CIITA: variants seen among roughly 807,000 people sequenced by gnomAD.
CIITA encodes the protein MHC class II transactivator.
A neutral mutation model predicts 115.1 loss-of-function variants in CIITA; 72 were observed. That is an observed-to-expected ratio of 0.63 (90% CI 0.52 to 0.76). CIITA has a LOEUF of 0.76. Among genes scored for constraint, CIITA ranks in the 30% least tolerant of loss-of-function variants. The pLI, the probability that CIITA is intolerant of heterozygous loss-of-function variation, is 0.00. For synonymous variants in CIITA, 763 were observed against 635.6 expected (o/e 1.20, Z -3.02); for missense variants, 1,617 against 1,463.8 (o/e 1.10, Z -1.71).
intron 1 of CIITA, among the ~76,000 whole-genome samples, chr16:10,869,284 C>A (rs2035308249): frequency 1.3e-5 from 2 of 152,362 alleles, no homozygotes; most frequent in South Asian, 2.1e-4. Context: ...TCTACTCCAG[C>A]CATGTTGGCA....
At chr16:10,908,874 A>C in intron 11 of CIITA, 155 bp from the exon 12 acceptor site, 2 of 1,005,206 alleles carry the variant, frequency 2.0e-6, no homozygotes, top group Non-Finnish European at 3.0e-6. Context: ...GAATCAATAA[A>C]GGCTGGAGTG....
intron 1 of CIITA, among the ~76,000 whole-genome samples, chr16:10,867,111 G>A (rs948076960): frequency 1.3e-5 from 2 of 152,204 alleles, no homozygotes; most frequent in African/African-American, 4.8e-5. Flanking sequence ...AGACATCCTG[G>A]TGGGTGCCTG....
intron 1 of CIITA, among the ~76,000 whole-genome samples, chr16:10,890,049 C>T (rs766815698): frequency 6.6e-5 from 10 of 152,176 alleles, no homozygotes; most frequent in Non-Finnish European, 1.5e-4. Flanking sequence ...CTGTGAGCTG[C>T]AAATCCTTGA....
In CIITA at chr16:10,907,085, C is replaced by A. The variant is rs758998471; in HGVS notation, c.1593C>A (p.Gly531=). 6.2e-6 allele frequency: 10 copies of A among 1,608,284 alleles called. No individual in the cohort carries two copies. The highest frequency in any genetic ancestry group is 8.5e-6 in the Non-Finnish European group (10 of 1,179,786). The change falls in exon 11 of 20, where the codon GGC becomes GGA. Residue 531 remains glycine (G), a synonymous_variant. Coordinates refer to ENST00000324288, the MANE Select transcript of CIITA (RefSeq NM_000246.4). This position sits in a 1 kb window ranked among gnomAD's most constrained non-coding sequence, Gnocchi z 5.0. ...EPCSLRGLLA[G]LFQKKLLRGC... ...GCTCCCTCCGGGGGCTGCTGGCCGG[C>A]CTTTTCCAGAAGAAGCTGCTCCGAG...
intron 1 of CIITA, among the ~76,000 whole-genome samples, chr16:10,869,944 C>A (rs1262121088): frequency 6.6e-6 from 1 of 152,042 alleles, no homozygotes; most frequent in African/African-American, 2.4e-5. Flanking sequence ...TAGCACAGGG[C>A]CTGAGCACAG....
At chr16:10,877,181 G>C, upstream of CIITA, 1 of 717,936 alleles carries the variant, frequency 1.4e-6, no homozygotes, top group Non-Finnish European at 2.5e-6. Flanking sequence ...AGCTTGGCGG[G>C]CTCCCAACTG....
At chr16:10,908,255 C>A in intron 11 of CIITA, 106 bp downstream of exon 11, 1 of 1,311,516 alleles carries the variant, frequency 7.6e-7, no homozygotes, top group Non-Finnish European at 1.1e-6. Context: ...TGCAGAGCAG[C>A]CGGGTGGGGC....
rs370533817 is a variant in CIITA at position 10,942,842 on chromosome 16, T to A, written n.1968T>A. The stretch of plus-strand genomic sequence containing the variant: ...GGGTCGGGGAGGGGCGACGGACGGT[T>A]GCCCTGGAAATTTTGGACATTCCCA... On this transcript the variant is annotated non_coding_transcript_exon_variant, in exon 2 of 2. Coordinates refer to the CIITA transcript ENST00000573379. This position sits in a 1 kb window ranked among gnomAD's most constrained non-coding sequence, Gnocchi z 5.0. The A allele has an allele frequency of 5.3e-5, 8 of 152,316 alleles. No homozygotes were observed. The South Asian group carries it at 1.4e-3, about 28-fold the overall frequency. 9.4% of individuals were successfully genotyped at this position (152,316 alleles called of 1,614,324 possible). A position where few individuals can be genotyped will look rare whatever the true frequency, so the allele number is the denominator to read the frequency against.
At chr16:10,875,611 C>T (rs1426543150), upstream of CIITA, among the ~76,000 whole-genome samples, 1 of 152,168 alleles carries the variant, frequency 6.6e-6, no homozygotes, top group South Asian at 2.1e-4. Flanking sequence ...TTCCACATAA[C>T]ACTTTACTAT....
chr16:10,924,259 A>C lies in CIITA; in HGVS notation c.*404A>C, dbSNP rs1034442068. 1 of 152,190 alleles carries C rather than the reference A, an allele frequency of 6.6e-6. No homozygotes were observed. Among genetic ancestry groups the C allele is most frequent in the East Asian group, 1.9e-4 (1 of 5,194 alleles). 9.4% of individuals were successfully genotyped at this position (152,190 alleles called of 1,614,324 possible). Reference sequence around the variant, plus strand: ...TACTTCTTTTTTTTTATTTTTAGACAGAGTCTCACTGTTGCCCAGGCTGGC... The same window carrying C: ...TACTTCTTTTTTTTTATTTTTAGACCGAGTCTCACTGTTGCCCAGGCTGGC... On this transcript the variant is annotated 3_prime_UTR_variant, in exon 20 of 20. Transcript: ENST00000324288.
intron 10 of CIITA, among the ~76,000 whole-genome samples, chr16:10,905,603 A>C (rs1304592817): frequency 6.6e-6 from 1 of 152,090 alleles, no homozygotes; most frequent in Non-Finnish European, 1.5e-5. Flanking sequence ...TCCATTAAAA[A>C]ATACAAAAAT....
At chr16:10,937,482 T>C (rs554191131), downstream of CIITA, 2 of 152,270 alleles carry the variant, frequency 1.3e-5, no homozygotes, top group Non-Finnish European at 2.9e-5. The surrounding 1 kb of genome is among the most constrained non-coding windows in gnomAD (Gnocchi z 4.2). Context: ...AGTTGGGAGA[T>C]AACTGAAGCC....
Position 10,895,410 on chromosome 16 carries a change from G to A in CIITA, c.181G>A (p.Glu61Lys), listed in dbSNP as rs767378495. ...CCAGATGGACCTGGCTGGAGAAGAA[G>A]AGATTGAGCTCTACTCAGGTGGGCC... The part of the protein sequence containing the change: ...YDQMDLAGEE[E>K]IELYSEPDTD... The change falls in exon 2 of 20, where the codon GAG becomes AAG. Residue 61 changes from glutamate (E) to lysine (K), a missense_variant. By Grantham distance (56) the Glu-to-Lys change is moderately conservative. Transcript: ENST00000324288. 1.2e-6 allele frequency: 2 copies of A among 1,613,908 alleles called. No individual in the cohort carries two copies. Among genetic ancestry groups the A allele is most frequent in the South Asian group, 2.2e-5 (2 of 91,070 alleles).
rs150365306 is a variant in CIITA, at chr16:10,931,565, T to C, written c.*7710T>C. On this transcript the variant is annotated 3_prime_UTR_variant, in exon 20 of 20. Transcript: ENST00000324288. The stretch of plus-strand genomic sequence containing the variant: ...ATTTCTGGTAGTAATATAGTTTTTC[T>C]TTTCCAAGTCGCTCACACCTGTAAT... The C allele has an allele frequency of 2.0e-5, 3 of 152,312 alleles. No individual in the cohort carries two copies. The highest frequency in any genetic ancestry group is 6.5e-5 in the Admixed American group (1 of 15,306). The allele number at this position is 152,312 out of a possible 1,614,324, so 9.4% of individuals were successfully genotyped here.
intron 1 of CIITA, among the ~76,000 whole-genome samples, chr16:10,891,279 A>G (rs918363895): frequency 5.7e-4 from 72 of 126,648 alleles, no homozygotes; most frequent in South Asian, 9.5e-4. Flanking sequence ...TGGCAGGGGG[A>G]GTGGGGGAGA....
chr16:10,927,408 TA>T lies in CIITA; in HGVS notation c.*3555del, dbSNP rs2040576072. On this transcript the variant is annotated 3_prime_UTR_variant, in exon 20 of 20. Coordinates refer to ENST00000324288, the MANE Select transcript of CIITA (RefSeq NM_000246.4). ...CTGTACCCAGCAAGGCGCCTGTGTA[TA>T]ATAGGTGCTCAATAACATAAAATGA... 2.0e-5 allele frequency: 3 copies of T among 152,240 alleles called. No homozygotes were observed. The highest frequency in any genetic ancestry group is 4.4e-5 in the Non-Finnish European group (3 of 68,058). 9.4% of individuals were successfully genotyped at this position (152,240 alleles called of 1,614,324 possible).
intron 9 of CIITA, 127 bp from the exon 10 acceptor site, chr16:10,904,617 C>T (rs1363033804): frequency 5.4e-6 from 5 of 923,120 alleles, no homozygotes; most frequent in Non-Finnish European, 9.0e-6. Context: ...CCTCAGGCCG[C>T]TATCTTATAA....
intron 5 of CIITA, among the ~76,000 whole-genome samples, chr16:10,900,552 C>T (rs902224727): frequency 2.0e-5 from 3 of 151,912 alleles, no homozygotes; most frequent in Non-Finnish European, 2.9e-5. Flanking sequence ...CCAGCCTGGC[C>T]AACATGGTGA....
chr16:10,890,256 C>T (rs1309300216), intron 1 of CIITA, among the ~76,000 whole-genome samples: 1 of 151,288 alleles, frequency 6.6e-6, no homozygotes, highest in Non-Finnish European at 1.5e-5. Flanking sequence ...CGTGGCCAGA[C>T]CATCCAAGCT....
Sources: gnomAD v4.1 joint callset for allele counts (sites outside exome capture counted in the v4.1 genomes callset) on GRCh38, gnomAD v4.1.1 for gene constraint, Gnocchi (gnomAD v3.1) non-coding constraint, MANE v1.5 for transcripts, NCBI Gene and HGNC (gene_info 2026-07-23, HGNC 2026-07-21) for gene names.